RMC1: variants seen among roughly 807,000 people sequenced by gnomAD.
The protein encoded by RMC1 is regulator of MON1-CCZ1 complex.
Under a neutral mutation model 95.5 loss-of-function variants are expected in RMC1, and 44 were observed. The observed-to-expected ratio is 0.46, with a 90% confidence interval of 0.36 to 0.59. The LOEUF (loss-of-function observed/expected upper bound fraction) is 0.59, where lower values mean the gene tolerates loss of function less well. RMC1 is among the 20% of genes least tolerant of loss of function. The pLI, the probability that RMC1 is intolerant of heterozygous loss-of-function variation, is 0.00. For synonymous variants in RMC1, 320 were observed against 303.6 expected (o/e 1.05, Z -0.56); for missense variants, 705 against 819.6 (o/e 0.86, Z 1.71).
Position 23,503,596 on chromosome 18 carries a change from C to T in RMC1, c.-23C>T, listed in dbSNP as rs750703211. ...ACTCTGGCGACCGCCCCCGGGGCCCCCGCCGCGGGCGCGGCGCCCGCCATG... is the reference window on the plus strand; with the variant it reads ...ACTCTGGCGACCGCCCCCGGGGCCCTCGCCGCGGGCGCGGCGCCCGCCATG... On this transcript the variant is annotated 5_prime_UTR_variant, in exon 1 of 20. Transcript: ENST00000269221. The T allele has an allele frequency of 6.6e-5, 101 of 1,536,866 alleles. No homozygotes were observed. The highest frequency in any genetic ancestry group is 4.0e-4 in the Middle Eastern group (2 of 4,970).
At position 23,528,020 on chromosome 18, in the gene RMC1, C is replaced by T. The variant is rs189222029; in HGVS notation, c.1296+119C>T. On this transcript the variant is annotated intron_variant, in intron 14 of 19. Transcript: ENST00000269221. ...TTAGAATAAGGTCGCTGAGATTTGCCGCCTGCCATAGGGCAAGGTGGCAGT... is the reference window on the plus strand; with the variant it reads ...TTAGAATAAGGTCGCTGAGATTTGCTGCCTGCCATAGGGCAAGGTGGCAGT... 4.9e-4 allele frequency: 413 copies of T among 836,614 alleles called. 2 individuals are homozygous for T. The African/African-American group carries it at 5.9e-3, about 12-fold the overall frequency. The allele number at this position is 836,614 out of a possible 1,614,324, so 51.8% of individuals were successfully genotyped here.
At chr18:23,506,916 GGTA>G (rs1555624255) in intron 2 of RMC1, 51 bp from the exon 3 acceptor site, 8 of 1,191,496 alleles carry the variant, frequency 6.7e-6, no homozygotes, top group Non-Finnish European at 9.8e-6. Context: ...TTCAATAAAT[GGTA>G]GTAGCTAGAA....
intron 6 of RMC1, 43 bp from the exon 7 acceptor site, chr18:23,516,277 G>A (rs753591927): frequency 6.3e-7 from 1 of 1,585,194 alleles, no homozygotes; most frequent in Non-Finnish European, 8.7e-7. Context: ...AAACATTGAA[G>A]GGGTTTAATA....
intron 1 of RMC1, among the ~76,000 whole-genome samples, chr18:23,504,106 G>T (rs961140008): frequency 6.6e-6 from 1 of 151,278 alleles, no homozygotes; most frequent in Admixed American, 6.6e-5. Context: ...TACTTCAGGC[G>T]TATCAGCGGC....
At chr18:23,523,526 C>A (rs2058199272) in intron 10 of RMC1, among the ~76,000 whole-genome samples, 1 of 100,370 alleles carries the variant, frequency 1.0e-5, no homozygotes, top group Non-Finnish European at 1.8e-5. Context: ...GCCTAGGTAA[C>A]ATAGACCTTG....
Position 23,509,398 on chromosome 18 carries a change from C to T in RMC1, c.408+119C>T, listed in dbSNP as rs566867677. ...TTTAAACATTTTCTAGAGATGGAGTCTTGCTCTGTTGCCCAGGCTGCAGTG... is the reference window on the plus strand; with the variant it reads ...TTTAAACATTTTCTAGAGATGGAGTTTTGCTCTGTTGCCCAGGCTGCAGTG... On this transcript the variant is annotated intron_variant, in intron 5 of 19. Transcript: ENST00000269221. 13 of 345,694 alleles carry T rather than the reference C, an allele frequency of 3.8e-5. 2 individuals are homozygous for T. In the South Asian group the frequency reaches 1.8e-3, roughly 49 times the overall value. The allele number at this position is 345,694 out of a possible 1,614,324, so 21.4% of individuals were successfully genotyped here. A position where few individuals can be genotyped will look rare whatever the true frequency, so the allele number is the denominator to read the frequency against.
chr18:23,504,551 G>A, intron 2 of RMC1, 104 bp downstream of exon 2: 3 of 1,031,100 alleles, frequency 2.9e-6, no homozygotes, highest in South Asian at 2.7e-5. Flanking sequence ...TGCCCTAAGA[G>A]GCCTGAAGTC....
chr18:23,520,417 C>A, intron 10 of RMC1, 104 bp downstream of exon 10: 2 of 908,222 alleles, frequency 2.2e-6, no homozygotes, highest in Non-Finnish European at 3.4e-6. Flanking sequence ...GAGGAATAAA[C>A]AGAGATTCCC....
At position 23,503,604 on chromosome 18, in the gene RMC1, G is replaced by A. The variant is rs765144887; in HGVS notation, c.-15G>A. On this transcript the variant is annotated 5_prime_UTR_variant, in exon 1 of 20. Coordinates refer to ENST00000269221, the MANE Select transcript of RMC1 (RefSeq NM_013326.5). ...GACCGCCCCCGGGGCCCCCGCCGCG[G>A]GCGCGGCGCCCGCCATGGGCGAGGA... is the stretch of plus-strand genomic sequence containing the variant. 1 of 1,541,450 alleles carries A rather than the reference G, an allele frequency of 6.5e-7. No individual in the cohort carries two copies. The highest frequency in any genetic ancestry group is 1.9e-5 in the Admixed American group (1 of 51,650).
At chr18:23,512,016 CTTT>C (rs34759918) in intron 5 of RMC1, among the ~76,000 whole-genome samples, 2 of 127,204 alleles carry the variant, frequency 1.6e-5, no homozygotes, top group African/African-American at 2.9e-5. Context: ...GGTAGAAAGA[CTTT>C]TTTTTTTTTT....
chr18:23,507,439 T>C (rs1332979143), intron 3 of RMC1, among the ~76,000 whole-genome samples: 1 of 152,214 alleles, frequency 6.6e-6, no homozygotes, highest in African/African-American at 2.4e-5. Flanking sequence ...TATTGCTTGA[T>C]AGCAGCATAG....
chr18:23,531,679 C>CT lies in RMC1; in HGVS notation c.1950dup (p.Leu651SerfsTer27), dbSNP rs1567939464. The CT allele has an allele frequency of 6.2e-7, 1 of 1,613,356 alleles. No individual in the cohort carries two copies. Among genetic ancestry groups the CT allele is most frequent in the Admixed American group, 1.7e-5 (1 of 59,906 alleles). On this transcript the variant is annotated frameshift_variant, in exon 20 of 20. Transcript: ENST00000269221. LOFTEE classifies it high-confidence loss of function. ...TTCAAACAGATTTTTGGAGACCAAG[C>CT]TCTAATGAGGCCTACAACATTCTGA...
At chr18:23,530,173 T>C (rs1323913823) in intron 17 of RMC1, 41 bp downstream of exon 17, 2 of 1,613,962 alleles carry the variant, frequency 1.2e-6, no homozygotes, top group Non-Finnish European at 1.7e-6. Flanking sequence ...TGGTTAAAAA[T>C]GGAAAATTTT....
chr18:23,509,517 G>A, intron 5 of RMC1: 1 of 234,342 alleles, frequency 4.3e-6, no homozygotes, highest in Non-Finnish European at 8.0e-6. Context: ...CTACAGGCAT[G>A]TACCACCATG....
In RMC1 at chr18:23,516,307, T is replaced by A. The variant is rs748049630; in HGVS notation, c.550-13T>A. ...TTAATAAGCTTTTCCTAAAACATTT[T>A]CCCCCTAAACAGGCTGGCACTATGT... On this transcript the variant is annotated splice_polypyrimidine_tract_variant and intron_variant, in intron 6 of 19. Coordinates refer to ENST00000269221, the MANE Select transcript of RMC1 (RefSeq NM_013326.5). 2 of 1,613,446 alleles carry A rather than the reference T, an allele frequency of 1.2e-6. No homozygotes were observed. The highest frequency in any genetic ancestry group is 1.7e-6 in the Non-Finnish European group (2 of 1,179,338).
chr18:23,504,442 A>G lies in RMC1; in HGVS notation c.174A>G (p.Ser58=). 6.2e-7 allele frequency: 1 copy of G among 1,610,176 alleles called. No individual in the cohort carries two copies. The highest frequency in any genetic ancestry group is 2.2e-5 in the East Asian group (1 of 44,874). ...GCCCAGATGATAGGAATCCCATCTC[A>G]TTTAGGTAATGGTATAGACACTTTC... ...VKGPDDRNPI[S]FRMDDKGEVK... The change falls in exon 2 of 20, where the codon TCA becomes TCG. Residue 58 remains serine (S), a synonymous_variant. Transcript: ENST00000269221.
intron 3 of RMC1, among the ~76,000 whole-genome samples, chr18:23,507,548 G>A (rs1248044018): frequency 6.6e-6 from 1 of 152,158 alleles, no homozygotes; most frequent in Non-Finnish European, 1.5e-5. Context: ...AGTTGAAGCA[G>A]CCTACAGGCA....
Position 23,515,593 on chromosome 18 carries a change from A to T in RMC1, c.409-263A>T, listed in dbSNP as rs1002876774. Among the ~76,000 whole-genome samples the T allele has an allele frequency of 2.0e-5, 3 of 152,128 alleles. No homozygotes were observed. In the South Asian group the frequency reaches 6.2e-4, roughly 32 times the overall value. ...ACTCACGCTGGAGTGTGATGGTGCAATCTTGACTCACTGCAACCTCTGCCT... is the reference window on the plus strand; with the variant it reads ...ACTCACGCTGGAGTGTGATGGTGCATTCTTGACTCACTGCAACCTCTGCCT... On this transcript the variant is annotated intron_variant, in intron 5 of 19. Coordinates refer to ENST00000269221, the MANE Select transcript of RMC1 (RefSeq NM_013326.5).
At chr18:23,503,890 C>T (rs1296138890) in intron 1 of RMC1, among the ~76,000 whole-genome samples, 170 bp downstream of exon 1, 1 of 152,006 alleles carries the variant, frequency 6.6e-6, no homozygotes, top group African/African-American at 2.4e-5. Flanking sequence ...CAGCCGCGGC[C>T]AGGTGTCCTC....
Sources: allele counts gnomAD v4.1 joint callset (sites outside exome capture counted in the v4.1 genomes callset), GRCh38; gene constraint gnomAD v4.1.1; transcripts MANE v1.5; gene names NCBI Gene and HGNC (gene_info 2026-07-23, HGNC 2026-07-21).